Variants in USP25 observed in about 807,000 individuals in gnomAD.
The protein encoded by USP25 is ubiquitin carboxyl-terminal hydrolase 25.
A neutral mutation model predicts 158.5 loss-of-function variants in USP25; 85 were observed. The observed-to-expected ratio is 0.54, with a 90% confidence interval of 0.45 to 0.64. USP25 has a LOEUF of 0.64. Among genes scored for constraint, USP25 ranks in the 30% least tolerant of loss-of-function variants. The pLI is 0.00. For missense variants in USP25, 1,242 were observed against 1,327.3 expected (o/e 0.94, Z 1.00); for synonymous variants, 464 against 460.4 (o/e 1.01, Z -0.10).
intron 5 of USP25, among the ~76,000 whole-genome samples, chr21:15,796,139 C>T (rs2035851930): frequency 6.6e-6 from 1 of 151,574 alleles, no homozygotes; most frequent in Non-Finnish European, 1.5e-5. Context: ...TAATCAAAAA[C>T]ACTCTTCAGG....
intron 4 of USP25, among the ~76,000 whole-genome samples, chr21:15,789,646 T>C (rs888437710): frequency 2.0e-5 from 3 of 152,082 alleles, no homozygotes; most frequent in African/African-American, 7.2e-5. Context: ...CTATCTCTTA[T>C]ATAGGATCAC....
At position 15,875,284 on chromosome 21, in the gene USP25, A is replaced by G. The variant is rs1430927841; in HGVS notation, c.3009+758A>G. ...ATAGCTGACTTTAAACATACATAGA[A>G]CCAAAACCTGATGGTTCCTCTGAAA... On this transcript the variant is annotated intron_variant, in intron 24 of 25. Coordinates refer to ENST00000400183, the MANE Select transcript of USP25 (RefSeq NM_001283041.3). The surrounding 1 kb of genome is among the most constrained non-coding windows in gnomAD (Gnocchi z 4.7). 1.3e-5 allele frequency among the ~76,000 whole-genome samples: 2 copies of G among 152,156 alleles called. No homozygotes were observed. Among genetic ancestry groups the G allele is most frequent in the Non-Finnish European group, 2.9e-5 (2 of 68,018 alleles).
Position 15,826,196 on chromosome 21 carries a change from A to T in USP25, c.1305-8A>T. On this transcript the variant is annotated splice_region_variant and splice_polypyrimidine_tract_variant and intron_variant, in intron 12 of 25. Coordinates refer to ENST00000400183, the MANE Select transcript of USP25 (RefSeq NM_001283041.3). The surrounding 1 kb of genome is among the most constrained non-coding windows in gnomAD (Gnocchi z 4.8). ...AATAAAAGCATTTGTACATTTTATG[A>T]TTAACAGATATTTAAGCTATGGTTC... 1 of 1,613,510 alleles carries T rather than the reference A, an allele frequency of 6.2e-7. No individual in the cohort carries two copies. Among genetic ancestry groups the T allele is most frequent in the Non-Finnish European group, 8.5e-7 (1 of 1,179,636 alleles).
chr21:15,878,480 C>T lies in USP25; in HGVS notation c.*5C>T, dbSNP rs1335195262. 1 of 1,613,756 alleles carries T rather than the reference C, an allele frequency of 6.2e-7. No homozygotes were observed. The highest frequency in any genetic ancestry group is 2.2e-5 in the East Asian group (1 of 44,884). On this transcript the variant is annotated 3_prime_UTR_variant, in exon 26 of 26. Transcript: ENST00000400183. ...ACTCCTGCTGATGGAAGATAAACTG[C>T]ACACTTTCCCTGAACACACTGTATA...
chr21:15,846,900 A>C (rs764789983), intron 18 of USP25, among the ~76,000 whole-genome samples: 1 of 152,204 alleles, frequency 6.6e-6, no homozygotes, highest in Non-Finnish European at 1.5e-5. Context: ...GTATTAGTGT[A>C]GATTACTGAA....
At chr21:15,827,917 T>A (rs932977944) in intron 14 of USP25, among the ~76,000 whole-genome samples, 2 of 152,062 alleles carry the variant, frequency 1.3e-5, no homozygotes, top group Non-Finnish European at 2.9e-5. Flanking sequence ...CCTACTTTGC[T>A]GCTGTTAAAG....
At chr21:15,817,183 A>C (rs1277765043) in intron 9 of USP25, among the ~76,000 whole-genome samples, 1 of 152,040 alleles carries the variant, frequency 6.6e-6, no homozygotes, top group African/African-American at 2.4e-5. Flanking sequence ...CAAAAAAAAA[A>C]AAATAGTAAT....
intron 1 of USP25, among the ~76,000 whole-genome samples, chr21:15,733,791 G>T (rs1025452871): frequency 1.3e-5 from 2 of 152,102 alleles, no homozygotes; most frequent in Middle Eastern, 3.2e-3. Flanking sequence ...GCAGTGAGCC[G>T]AGATCGCGCC....
chr21:15,800,581 A>G (rs567851581), intron 6 of USP25, among the ~76,000 whole-genome samples: 106 of 151,522 alleles, frequency 7.0e-4, no homozygotes, highest in African/African-American at 2.5e-3. Flanking sequence ...GTTTGCACAC[A>G]GAATTTATAC....
At chr21:15,794,807 A>G (rs922016413) in intron 5 of USP25, among the ~76,000 whole-genome samples, 2 of 151,526 alleles carry the variant, frequency 1.3e-5, no homozygotes, top group African/African-American at 4.8e-5. Flanking sequence ...AGGGTACTCT[A>G]TATTATATAT....
At position 15,846,133 on chromosome 21, in the gene USP25, TA is replaced by T. The variant is rs2038580374; in HGVS notation, c.2338-1529del. ...GTGTGTGTGTGTGTGTATATATATA[TA>T]TATATATATATATATATATATATAT... On this transcript the variant is annotated intron_variant, in intron 18 of 25. Transcript: ENST00000400183. Among the ~76,000 whole-genome samples the T allele has an allele frequency of 8.2e-4, 37 of 45,102 alleles. 1 individual carries two copies. Among genetic ancestry groups the T allele is most frequent in the Non-Finnish European group, 1.7e-4 (4 of 24,038 alleles). 29.6% of individuals were successfully genotyped at this position (45,102 alleles called of 152,430 possible).
At chr21:15,741,520 G>A (rs2123222103) in intron 1 of USP25, among the ~76,000 whole-genome samples, 1 of 152,198 alleles carries the variant, frequency 6.6e-6, no homozygotes, top group Middle Eastern at 3.4e-3. Flanking sequence ...AATCTTTTAT[G>A]TTTTAGCCAT....
Position 15,842,462 on chromosome 21 carries a change from G to T in USP25, c.2259G>T (p.Leu753Phe). Reference protein sequence around the residue: ...QPSRSDFSKHLKEETIQIITK... With the variant: ...QPSRSDFSKHFKEETIQIITK... ...CAAGAAGTGATTTCTCAAAGCACTT[G>T]AAAGAAGAAACTATTCAAATAATTA... The change falls in exon 18 of 26, where the codon TTG becomes TTT. Residue 753 changes from leucine (L) to phenylalanine (F), a missense_variant. Leu to Phe is a conservative substitution (Grantham distance 22, BLOSUM62 0). This residue lies in a region of USP25 where 608 missense variants were observed against 605.2 expected (regional missense o/e 1.00). Coordinates refer to ENST00000400183, the MANE Select transcript of USP25 (RefSeq NM_001283041.3). 1 of 1,613,768 alleles carries T rather than the reference G, an allele frequency of 6.2e-7. No individual in the cohort carries two copies. The highest frequency in any genetic ancestry group is 8.5e-7 in the Non-Finnish European group (1 of 1,179,768).
At chr21:15,733,027 A>G (rs2031088983) in intron 1 of USP25, among the ~76,000 whole-genome samples, 1 of 149,936 alleles carries the variant, frequency 6.7e-6, no homozygotes, top group South Asian at 2.1e-4. Flanking sequence ...GGTTTTGGAC[A>G]TATATCTTCA....
At chr21:15,795,856 T>C (rs961829470) in intron 5 of USP25, among the ~76,000 whole-genome samples, 1 of 151,488 alleles carries the variant, frequency 6.6e-6, no homozygotes, top group Non-Finnish European at 1.5e-5. Flanking sequence ...TGCCTCACCA[T>C]GAAACTTATG....
intron 4 of USP25, among the ~76,000 whole-genome samples, chr21:15,779,075 C>G (rs544883580): frequency 6.6e-6 from 1 of 151,896 alleles, no homozygotes; most frequent in Non-Finnish European, 1.5e-5. Context: ...TATCTTAGTG[C>G]GACTTTTTAA....
At chr21:15,808,216 A>G (rs2036486361) in intron 7 of USP25, among the ~76,000 whole-genome samples, 1 of 152,200 alleles carries the variant, frequency 6.6e-6, no homozygotes, top group African/African-American at 2.4e-5. Flanking sequence ...ATGGTAGTTG[A>G]TAACACAACT....
intron 2 of USP25, among the ~76,000 whole-genome samples, chr21:15,763,547 T>TA (rs2033861568): frequency 6.6e-6 from 1 of 152,142 alleles, no homozygotes; most frequent in Non-Finnish European, 1.5e-5. Context: ...AGTCATATCA[T>TA]ATGGATACTC....
intron 19 of USP25, among the ~76,000 whole-genome samples, chr21:15,849,033 G>T (rs983348110): frequency 1.3e-5 from 2 of 152,066 alleles, no homozygotes; most frequent in Non-Finnish European, 2.9e-5. Context: ...GCTCTACATT[G>T]TTCTAGTTAA....
Sources: gnomAD v4.1 joint callset for allele counts (sites outside exome capture counted in the v4.1 genomes callset) on GRCh38, gnomAD v4.1.1 for gene constraint, gnomAD v4.1.1 regional missense constraint, Gnocchi (gnomAD v3.1) non-coding constraint, MANE v1.5 for transcripts, NCBI Gene and HGNC (gene_info 2026-07-23, HGNC 2026-07-21) for gene names.